Variants in LRP1B observed in about 807,000 individuals in gnomAD.
The protein encoded by LRP1B is LDL receptor related protein 1B, also known as low-density lipoprotein receptor-related protein 1B.
Under a neutral mutation model 556.6 loss-of-function variants are expected in LRP1B, and 217 were observed. That is an observed-to-expected ratio of 0.39 (90% CI 0.35 to 0.44). The LOEUF (loss-of-function observed/expected upper bound fraction) is 0.44. Ranked by LOEUF, LRP1B falls within the 20% of genes least tolerant of loss-of-function variation. LRP1B has a pLI of 1.00. For synonymous variants in LRP1B, 2,047 were observed against 1,865.8 expected, an observed-to-expected ratio of 1.10 and a Z score of -2.50; for missense variants, 5,053 against 5,620.8, an observed-to-expected ratio of 0.90 and a Z score of 3.23.
intron 59 of LRP1B, among the ~76,000 whole-genome samples, chr2:140,480,492 G>A (rs777933294): frequency 2.6e-5 from 4 of 151,994 alleles, no homozygotes; most frequent in Non-Finnish European, 4.4e-5. Flanking sequence ...CCAGGCTAGA[G>A]TAAAGTGGCG....
chr2:141,456,004 C>G (rs1039013261), intron 3 of LRP1B, among the ~76,000 whole-genome samples: 2 of 152,174 alleles, frequency 1.3e-5, no homozygotes, highest in African/African-American at 4.8e-5. Context: ...GGGCTTCTGG[C>G]TGAGTACAAA....
intron 4 of LRP1B, among the ~76,000 whole-genome samples, chr2:141,252,470 C>T (rs1437395083): frequency 6.6e-6 from 1 of 152,124 alleles, no homozygotes; most frequent in African/African-American, 2.4e-5. Context: ...GAAGTAAATG[C>T]TTTTGGTGAT....
At chr2:141,145,691 G>A (rs555420327) in intron 7 of LRP1B, among the ~76,000 whole-genome samples, 2 of 151,234 alleles carry the variant, frequency 1.3e-5, no homozygotes, top group Non-Finnish European at 2.9e-5. Flanking sequence ...GCACCACCAC[G>A]CCTGGCTAAT....
At chr2:140,725,485 T>C (rs958466298) in intron 35 of LRP1B, among the ~76,000 whole-genome samples, 2 of 145,582 alleles carry the variant, frequency 1.4e-5, no homozygotes, top group Non-Finnish European at 3.0e-5. Flanking sequence ...AAATTAGCTA[T>C]CTTTATTTCA....
chr2:141,244,472 G>C (rs1015328125), intron 5 of LRP1B, among the ~76,000 whole-genome samples: 6 of 152,070 alleles, frequency 3.9e-5, no homozygotes, highest in African/African-American at 1.4e-4. Context: ...GAAGAGAAAA[G>C]AGAGGCCAAT....
intron 2 of LRP1B, among the ~76,000 whole-genome samples, chr2:141,740,911 C>G (rs952489941): frequency 2.0e-5 from 3 of 152,108 alleles, no homozygotes; most frequent in South Asian, 2.1e-4. Flanking sequence ...CCCCTACCCC[C>G]CAACCCACTA....
At chr2:141,368,319 G>A (rs1689116515) in intron 3 of LRP1B, among the ~76,000 whole-genome samples, 1 of 152,140 alleles carries the variant, frequency 6.6e-6, no homozygotes, top group Non-Finnish European at 1.5e-5. Flanking sequence ...GGCCTTCCTG[G>A]AAGTGTAGTA....
intron 2 of LRP1B, among the ~76,000 whole-genome samples, chr2:141,680,048 A>G (rs1266729337): frequency 6.6e-6 from 1 of 151,998 alleles, no homozygotes; most frequent in Non-Finnish European, 1.5e-5. Flanking sequence ...GGGAGAAAAG[A>G]GCCTAAGAAA....
At chr2:141,833,012 A>G (rs902375980) in intron 1 of LRP1B, among the ~76,000 whole-genome samples, 2 of 151,674 alleles carry the variant, frequency 1.3e-5, no homozygotes, top group Non-Finnish European at 3.0e-5. Context: ...GTCTTTATAT[A>G]CAGGCAGCAA....
chr2:141,628,313 G>T (rs1688776130), intron 2 of LRP1B, among the ~76,000 whole-genome samples: 1 of 152,142 alleles, frequency 6.6e-6, no homozygotes, highest in South Asian at 2.1e-4. Context: ...ATTGGATTCA[G>T]AAAGAAGGTA....
At chr2:140,747,902 A>G (rs1688371975) in intron 35 of LRP1B, among the ~76,000 whole-genome samples, 1 of 151,618 alleles carries the variant, frequency 6.6e-6, no homozygotes, top group African/African-American at 2.4e-5. Context: ...GTTATATGTG[A>G]TTGCAAATGC....
chr2:140,954,218 T>C (rs887228087), intron 18 of LRP1B, among the ~76,000 whole-genome samples: 4 of 152,198 alleles, frequency 2.6e-5, no homozygotes, highest in African/African-American at 4.8e-5. Flanking sequence ...GTCCGAAATA[T>C]GCTTTTGTCC....
At chr2:140,848,565 A>T (rs533724846) in intron 29 of LRP1B, among the ~76,000 whole-genome samples, 1 of 152,310 alleles carries the variant, frequency 6.6e-6, no homozygotes, top group African/African-American at 2.4e-5. Flanking sequence ...CTTCATTATG[A>T]CATTTACCAT....
intron 51 of LRP1B, among the ~76,000 whole-genome samples, chr2:140,510,967 C>A (rs1689626466): frequency 6.6e-6 from 1 of 151,806 alleles, no homozygotes; most frequent in Non-Finnish European, 1.5e-5. Context: ...TAAAAAGTAC[C>A]TGAGTGAATC....
chr2:140,949,653 T>A (rs926080211), intron 20 of LRP1B, among the ~76,000 whole-genome samples: 24 of 151,468 alleles, frequency 1.6e-4, no homozygotes, highest in African/African-American at 4.6e-4. Flanking sequence ...ATAAAGAGAG[T>A]AAGTATGCCG....
At chr2:141,083,963 A>T (rs575425510) in intron 7 of LRP1B, among the ~76,000 whole-genome samples, 1 of 152,266 alleles carries the variant, frequency 6.6e-6, no homozygotes, top group African/African-American at 2.4e-5. Flanking sequence ...TTTATTAAAA[A>T]CCTGGTTCTA....
chr2:141,026,201 T>A (rs1698213174), intron 11 of LRP1B, among the ~76,000 whole-genome samples: 1 of 152,092 alleles, frequency 6.6e-6, no homozygotes, highest in Admixed American at 6.6e-5. Context: ...ACCGATTTCA[T>A]CAATAGTAAA....
intron 32 of LRP1B, among the ~76,000 whole-genome samples, chr2:140,789,894 T>C (rs1459819003): frequency 6.6e-6 from 1 of 151,826 alleles, no homozygotes; most frequent in Admixed American, 6.6e-5. Flanking sequence ...CCTCCCAAAG[T>C]GCTGGGATTA....
At chr2:140,799,989 G>A (rs376589580) in intron 32 of LRP1B, among the ~76,000 whole-genome samples, 3 of 152,190 alleles carry the variant, frequency 2.0e-5, no homozygotes, top group Middle Eastern at 3.4e-3. Flanking sequence ...CAAGGAGTCA[G>A]GGAATTCCCA....
Sources: allele counts gnomAD v4.1 joint callset (sites outside exome capture counted in the v4.1 genomes callset), GRCh38; gene constraint gnomAD v4.1.1; transcripts MANE v1.5; gene names NCBI Gene and HGNC (gene_info 2026-07-23, HGNC 2026-07-21).